The following REG3A variants were observed in gnomAD, a reference collection of about 807,000 sequenced individuals.
REG3A encodes the protein regenerating islet-derived protein 3-alpha.
Under a neutral mutation model 20.5 loss-of-function variants are expected in REG3A, and 15 were observed. The observed-to-expected ratio is 0.73, with a 90% confidence interval of 0.49 to 1.12. The LOEUF is 1.12. REG3A is among the 50% of genes most tolerant of loss of function. REG3A has a pLI of 0.00. For synonymous variants in REG3A, 93 were observed against 83.2 expected, an observed-to-expected ratio of 1.12 and a Z score of -0.64; for missense variants, 224 against 213.1, an observed-to-expected ratio of 1.05 and a Z score of -0.32.
chr2:79,158,226 C>A (rs552946330), intron 4 of REG3A, 100 bp downstream of exon 4: 6 of 1,367,416 alleles, frequency 4.4e-6, no homozygotes, highest in Non-Finnish European at 2.0e-6. Context: ...AGCTCCAGTG[C>A]TCCCTGAAGT....
intron 3 of REG3A, 63 bp downstream of exon 3, chr2:79,158,588 C>T (rs1370443629): frequency 2.5e-5 from 41 of 1,608,006 alleles, no homozygotes; most frequent in Non-Finnish European, 3.1e-5. Flanking sequence ...AAGGAACTCT[C>T]CTGAATGGAG....
chr2:79,157,600 G>A lies in REG3A; in HGVS notation c.432C>T (p.Gly144=). ...TGCTTCTCGACAGGCTCGCACAGTG[G>A]CCGGGGCTTGAGATGGTGGAGGGAT... ...ERNPSTISSP[G]HCASLSRSTA... is the part of the protein sequence containing the mutation. The change falls in exon 5 of 6, where the codon GGC becomes GGT. Residue 144 remains glycine (G), a synonymous_variant. Coordinates refer to ENST00000305165, the MANE Select transcript of REG3A (RefSeq NM_002580.3). The A allele has an allele frequency of 6.2e-7, 1 of 1,614,198 alleles. No homozygotes were observed. The highest frequency in any genetic ancestry group is 1.3e-5 in the African/African-American group (1 of 75,048).
At position 79,158,427 on chromosome 2, in the gene REG3A, A is replaced by G. The variant is rs754554463; in HGVS notation, c.232T>C (p.Ser78Pro). The change falls in exon 4 of 6, where the codon TCT (serine) becomes CCT (proline). Residue 78 changes from serine to proline, a missense_variant. Ser to Pro is a moderately conservative substitution (Grantham distance 74). Transcript: ENST00000305165. ...CQKRPSGNLV[S>P]VLSGAEGSFV... ...GATCCCTCAGCCCCACTGAGCACAG[A>G]CACCAGGTTTCCAGAGGGCCGCTTC... is the stretch of plus-strand genomic sequence containing the variant. The G allele has an allele frequency of 6.8e-6, 11 of 1,614,056 alleles. No individual in the cohort carries two copies. Among genetic ancestry groups the G allele is most frequent in the Non-Finnish European group, 4.2e-6 (5 of 1,180,020 alleles).
intron 2 of REG3A, chr2:79,159,100 G>T: frequency 1.7e-6 from 1 of 590,786 alleles, no homozygotes. Flanking sequence ...TCCCACCAGT[G>T]TATATTAGAG....
rs1381116844 is a variant in REG3A, at chr2:79,159,073, T to C, written c.76+257A>G. 2.1e-5 allele frequency: 12 copies of C among 580,800 alleles called. No homozygotes were observed. The East Asian group carries it at 3.5e-4, about 17-fold the overall frequency. The allele number at this position is 580,800 out of a possible 1,614,324, so 36.0% of individuals were successfully genotyped here. A position where few individuals can be genotyped will look rare whatever the true frequency, so the allele number is the denominator to read the frequency against. On this transcript the variant is annotated intron_variant, in intron 2 of 5. Transcript: ENST00000305165. ...ACATCTCATTACTGACCCTCCAGTG[T>C]ATATTAGAGTCCACTTTCCCACCAG...
At chr2:79,159,514 T>G in intron 1 of REG3A, 75 bp from the exon 2 acceptor site, 1 of 1,052,112 alleles carries the variant, frequency 9.5e-7, no homozygotes, top group East Asian at 2.5e-5. Context: ...TCTAGTCCCC[T>G]AGGACTAAAG....
intron 2 of REG3A, 22 bp from the exon 3 acceptor site, chr2:79,158,791 G>C (rs202062830): frequency 1.9e-6 from 3 of 1,592,574 alleles, no homozygotes; most frequent in Non-Finnish European, 2.6e-6. Context: ...GAAGAGGGGG[G>C]AGGGTAAAAT....
At position 79,158,748 on chromosome 2, in the gene REG3A, A is replaced by C. The variant is rs1673377785; in HGVS notation, c.98T>G (p.Leu33Arg). The C allele has an allele frequency of 6.2e-7, 1 of 1,613,748 alleles. No individual in the cohort carries two copies. Among genetic ancestry groups the C allele is most frequent in the African/African-American group, 1.3e-5 (1 of 74,868 alleles). Residue 33 changes from leucine (L) to arginine (R), a missense_variant, in exon 3 of 6, where the codon CTG (leucine) becomes CGG (arginine). By Grantham distance (102) the Leu-to-Arg change is moderately radical. Transcript: ENST00000305165. Reference sequence around the variant, plus strand: ...GGGACAGCGGATCCGTGCAGAGGGCAGTTCCCTCTGGGGTTCTTCACCTGA... The same window carrying C: ...GGGACAGCGGATCCGTGCAGAGGGCCGTTCCCTCTGGGGTTCTTCACCTGA... ...QVQGEEPQRELPSARIRCPKG... is the reference protein window; with the variant it reads ...QVQGEEPQRERPSARIRCPKG...
chr2:79,158,140 T>G (rs1204897823), intron 4 of REG3A, among the ~76,000 whole-genome samples, 186 bp downstream of exon 4: 1 of 152,154 alleles, frequency 6.6e-6, no homozygotes, highest in Non-Finnish European at 1.5e-5. Flanking sequence ...ATCTGAAAGA[T>G]AGAGACCTCC....
At chr2:79,159,609 C>T in intron 1 of REG3A, 119 bp downstream of exon 1, 1 of 580,472 alleles carries the variant, frequency 1.7e-6, no homozygotes, top group Non-Finnish European at 3.1e-6. Flanking sequence ...CCTCCCAGGA[C>T]ACCCTTGCTG....
Position 79,157,632 on chromosome 2 carries a change from C to T in REG3A, c.400G>A (p.Glu134Lys), listed in dbSNP as rs1239541266. 6.2e-7 allele frequency: 1 copy of T among 1,614,146 alleles called. No homozygotes were observed. The change falls in exon 5 of 6, where the codon GAG (glutamate) becomes AAG (lysine). Residue 134 changes from glutamate (E) to lysine (K), a missense_variant. By Grantham distance (56) the Glu-to-Lys change is moderately conservative (BLOSUM62 1). Transcript: ENST00000305165. ...SSDVMNYFAW[E>K]RNPSTISSPG... ...CTTGAGATGGTGGAGGGATTTCTCTCCCATGCAAAGTAATTCATCACATCA... is the reference window on the plus strand; with the variant it reads ...CTTGAGATGGTGGAGGGATTTCTCTTCCATGCAAAGTAATTCATCACATCA...
At chr2:79,158,827 T>C in intron 2 of REG3A, 58 bp from the exon 3 acceptor site, 1 of 1,369,268 alleles carries the variant, frequency 7.3e-7, no homozygotes, top group Non-Finnish European at 1.0e-6. Flanking sequence ...GGGTGGGAGA[T>C]GACCTTGGGG....
In REG3A at chr2:79,159,474, A is replaced by T. The variant is rs187909920; in HGVS notation, c.-34-35T>A. 382 of 1,454,228 alleles carry T rather than the reference A, an allele frequency of 2.6e-4. 2 individuals are homozygous for T. The African/African-American group carries it at 4.3e-3, about 17-fold the overall frequency. The allele number at this position is 1,454,228 out of a possible 1,614,324, so 90.1% of individuals were successfully genotyped here. ...GCGTGGTCAGTGGGAGAACACACAG[A>T]TACCCCACTGCCTCATGTCATTTTC... On this transcript the variant is annotated intron_variant, in intron 1 of 5. Coordinates refer to ENST00000305165, the MANE Select transcript of REG3A (RefSeq NM_002580.3).
rs924182506 is a variant in REG3A, at chr2:79,158,768, A to C, written c.78T>G (p.Gly26=). ...SCLMLLSQVQ[G]EEPQRELPSA... ...AGGGCAGTTCCCTCTGGGGTTCTTCACCTGAGGTGGAAGAAGAGGGGGGAG... is the reference window on the plus strand; with the variant it reads ...AGGGCAGTTCCCTCTGGGGTTCTTCCCCTGAGGTGGAAGAAGAGGGGGGAG... Residue 26 remains glycine, a splice_region_variant and synonymous_variant, in exon 3 of 6, where the codon GGT becomes GGG. Coordinates refer to ENST00000305165, the MANE Select transcript of REG3A (RefSeq NM_002580.3). The C allele has an allele frequency of 6.2e-7, 1 of 1,610,388 alleles. No individual in the cohort carries two copies. Among genetic ancestry groups the C allele is most frequent in the Admixed American group, 1.7e-5 (1 of 59,884 alleles).
rs377170918 is a variant in REG3A, at chr2:79,157,719, C to G, written c.334-21G>C. 1.7e-4 allele frequency: 275 copies of G among 1,610,346 alleles called. 1 individual carries two copies. In the African/African-American group the frequency reaches 3.3e-3, roughly 20 times the overall value. On this transcript the variant is annotated intron_variant, in intron 4 of 5. Coordinates refer to ENST00000305165, the MANE Select transcript of REG3A (RefSeq NM_002580.3). The stretch of plus-strand genomic sequence containing the variant: ...GTGCCCTGTAGAGTAGAGGAGGTAG[C>G]CAGGTGAAGGGAATGGCCATTGCAG...
chr2:79,157,420 A>G, intron 5 of REG3A, 127 bp from the exon 6 acceptor site: 2 of 1,440,306 alleles, frequency 1.4e-6, no homozygotes, highest in Non-Finnish European at 1.9e-6. Flanking sequence ...CCAATCCAGG[A>G]GAGAGATTCA....
At position 79,159,451 on chromosome 2, in the gene REG3A, G is replaced by A. The variant is rs370986858; in HGVS notation, c.-34-12C>T. On this transcript the variant is annotated splice_polypyrimidine_tract_variant and intron_variant, in intron 1 of 5. Transcript: ENST00000305165. ...GCAATCAGGAGTCACTAAAGAAAGC[G>A]TGGTCAGTGGGAGAACACACAGATA... 2.7e-5 allele frequency: 43 copies of A among 1,593,028 alleles called. No individual in the cohort carries two copies. Among genetic ancestry groups the A allele is most frequent in the Admixed American group, 1.7e-4 (10 of 59,874 alleles).
In REG3A at chr2:79,158,363, T is replaced by G; in HGVS notation, c.296A>C (p.Tyr99Ser). 1 of 1,613,954 alleles carries G rather than the reference T, an allele frequency of 6.2e-7. No homozygotes were observed. Among genetic ancestry groups the G allele is most frequent in the South Asian group, 1.1e-5 (1 of 91,074 alleles). ...SSLVKSIGNS[Y>S]SYVWIGLHDP... ...ATGGAGCCCAATCCAGACGTATGAG[T>G]AGCTGTTACCAATGCTCTTCACCAG... Residue 99 changes from tyrosine to serine, a missense_variant, in exon 4 of 6, where the codon TAC (tyrosine) becomes TCC (serine). By Grantham distance (144) the Tyr-to-Ser change is moderately radical (BLOSUM62 -2). Transcript: ENST00000305165.
At chr2:79,158,269 G>A (rs548572259) in intron 4 of REG3A, 57 bp downstream of exon 4, 2 of 1,579,806 alleles carry the variant, frequency 1.3e-6, no homozygotes, top group South Asian at 1.2e-5. Flanking sequence ...ACAGGGAGTG[G>A]GCCTGGGCAA....
Sources: allele counts gnomAD v4.1 joint callset (sites outside exome capture counted in the v4.1 genomes callset), GRCh38; gene constraint gnomAD v4.1.1; transcripts MANE v1.5; gene names NCBI Gene and HGNC (gene_info 2026-07-23, HGNC 2026-07-21).